UBAP2: variants seen among roughly 807,000 people sequenced by gnomAD.
The protein encoded by UBAP2 is ubiquitin associated protein 2.
Under a neutral mutation model 139.6 loss-of-function variants are expected in UBAP2, and 75 were observed. The observed-to-expected ratio is 0.54, with a 90% CI of 0.45 to 0.65. The LOEUF (loss-of-function observed/expected upper bound fraction) is 0.65. UBAP2 is among the 30% of genes least tolerant of loss of function. UBAP2 has a pLI of 0.00. For synonymous variants in UBAP2, 526 were observed against 526.2 expected (o/e 1.00, Z 0.01); for missense variants, 1,368 against 1,369.6 (o/e 1.00, Z 0.02).
At chr9:34,013,516 C>A (rs771385180) in intron 2 of UBAP2, among the ~76,000 whole-genome samples, 5 of 151,940 alleles carry the variant, frequency 3.3e-5, no homozygotes, top group Non-Finnish European at 7.4e-5. Context: ...TCTCTTTCAT[C>A]ATGCAACCTG....
intron 1 of UBAP2, among the ~76,000 whole-genome samples, chr9:34,046,504 C>T (rs1827596678): frequency 2.0e-5 from 3 of 151,620 alleles, no homozygotes; most frequent in South Asian, 2.1e-4. Context: ...ATTAGCCGGG[C>T]GTGGTGGTGG....
chr9:33,974,930 TA>T (rs1300181464), intron 6 of UBAP2, among the ~76,000 whole-genome samples: 227 of 16,550 alleles, frequency 0.014, no homozygotes, highest in African/African-American at 0.047. Flanking sequence ...AGCGTGAGAC[TA>T]AAAAAAAAGG....
At chr9:33,933,860 T>G (rs1824219511) in intron 17 of UBAP2, among the ~76,000 whole-genome samples, 1 of 152,150 alleles carries the variant, frequency 6.6e-6, no homozygotes, top group South Asian at 2.1e-4. Flanking sequence ...CAGCAAAGAA[T>G]AGGAAATGAC....
At chr9:34,040,749 G>A (rs1826997933) in intron 1 of UBAP2, among the ~76,000 whole-genome samples, 1 of 152,200 alleles carries the variant, frequency 6.6e-6, no homozygotes, top group Non-Finnish European at 1.5e-5. Context: ...CTTTGAGAAT[G>A]AATTCCCAAT....
chr9:34,012,528 C>CAAA (rs11399740), intron 2 of UBAP2, among the ~76,000 whole-genome samples: 11 of 144,226 alleles, frequency 7.6e-5, no homozygotes, highest in Admixed American at 1.4e-4. Context: ...AAAACTGTCT[C>CAAA]AAAAAAAAAA....
intron 22 of UBAP2, among the ~76,000 whole-genome samples, chr9:33,926,206 A>G (rs930712243): frequency 1.3e-5 from 2 of 152,206 alleles, no homozygotes; most frequent in African/African-American, 4.8e-5. Flanking sequence ...ATCTCAGACC[A>G]AAGACACTAT....
chr9:33,969,053 T>C (rs1307840385), intron 8 of UBAP2, among the ~76,000 whole-genome samples: 1 of 152,190 alleles, frequency 6.6e-6, no homozygotes, highest in Non-Finnish European at 1.5e-5. Context: ...ATATTCTATA[T>C]TTTGCTTATA....
intron 8 of UBAP2, among the ~76,000 whole-genome samples, chr9:33,964,267 C>A (rs1439569587): frequency 6.6e-6 from 1 of 152,158 alleles, no homozygotes; most frequent in African/African-American, 2.4e-5. Context: ...CAATACCATT[C>A]TGTGAGGCCT....
At chr9:33,947,084 T>C (rs1825707527) in intron 13 of UBAP2, among the ~76,000 whole-genome samples, 2 of 152,186 alleles carry the variant, frequency 1.3e-5, no homozygotes, top group South Asian at 4.1e-4. Flanking sequence ...AATTTTGCTA[T>C]GTGCTATAGC....
At position 33,989,050 on chromosome 9, in the gene UBAP2, T is replaced by C. The variant is rs1016355679; in HGVS notation, c.365A>G (p.Lys122Arg). Residue 122 changes from lysine to arginine, a missense_variant, in exon 5 of 29, where the codon AAG becomes AGG. Physicochemically the swap from Lys to Arg is conservative, Grantham distance 26 (BLOSUM62 2). Transcript: ENST00000379238. ...ENSENKENRE[K>R]KSEKESSRGR... is the part of the protein sequence containing the mutation. ...ACGACTCGATTCTTTCTCGCTTTTC[T>C]TCTCTCTATTCTCTTTGTTTTCTGA... 6 of 1,614,000 alleles carry C rather than the reference T, an allele frequency of 3.7e-6. No homozygotes were observed. The highest frequency in any genetic ancestry group is 1.3e-5 in the African/African-American group (1 of 74,916).
intron 6 of UBAP2, among the ~76,000 whole-genome samples, chr9:33,975,154 G>A (rs898120193): frequency 2.1e-4 from 32 of 151,644 alleles, no homozygotes; most frequent in Admixed American, 1.6e-3. Flanking sequence ...GTTGGCGGCC[G>A]GGCGTGGTGG....
At chr9:34,018,729 G>A (rs1824623788) in intron 1 of UBAP2, among the ~76,000 whole-genome samples, 1 of 151,864 alleles carries the variant, frequency 6.6e-6, no homozygotes, top group African/African-American at 2.4e-5. Context: ...CAGGCGTAGT[G>A]GCGGGCGACT....
chr9:33,993,090 A>G (rs1009125376), intron 4 of UBAP2, among the ~76,000 whole-genome samples: 1 of 152,270 alleles, frequency 6.6e-6, no homozygotes, highest in African/African-American at 2.4e-5. Context: ...GATGAAACAA[A>G]AAGTTCAGTA....
intron 6 of UBAP2, among the ~76,000 whole-genome samples, chr9:33,982,852 T>TC (rs1305735689): frequency 6.6e-6 from 1 of 151,812 alleles, no homozygotes; most frequent in Non-Finnish European, 1.5e-5. Context: ...TCACTGGTTA[T>TC]CCCCTATAAT....
At chr9:34,024,390 T>C (rs1365332406) in intron 1 of UBAP2, among the ~76,000 whole-genome samples, 3 of 151,892 alleles carry the variant, frequency 2.0e-5, no homozygotes, top group African/African-American at 7.3e-5. Flanking sequence ...TAAAAATAAT[T>C]GTAAGGGCCT....
At chr9:33,971,239 C>T (rs1428921335) in intron 8 of UBAP2, among the ~76,000 whole-genome samples, 2 of 152,278 alleles carry the variant, frequency 1.3e-5, no homozygotes, top group Admixed American at 6.5e-5. Context: ...GCAGAGGCAA[C>T]GTTGCTACAA....
chr9:34,020,664 CT>C (rs11332455), intron 1 of UBAP2, among the ~76,000 whole-genome samples: 114,357 of 143,604 alleles, frequency 0.8, 45,410 homozygotes, highest in Middle Eastern at 0.86. Flanking sequence ...ACTCTGTTTC[CT>C]TTTTTTTTTT....
At chr9:33,977,570 A>T (rs1820258200) in intron 6 of UBAP2, among the ~76,000 whole-genome samples, 1 of 152,056 alleles carries the variant, frequency 6.6e-6, no homozygotes, top group Non-Finnish European at 1.5e-5. Context: ...GTTTCCAAAG[A>T]TTATCAAAGC....
At chr9:33,948,004 G>C (rs1349618272) in intron 13 of UBAP2, among the ~76,000 whole-genome samples, 2 of 127,686 alleles carry the variant, frequency 1.6e-5, no homozygotes, top group African/African-American at 5.8e-5. Context: ...AAAAAAAAAA[G>C]TCTTAAAATG....
Sources: allele counts gnomAD v4.1 joint callset (sites outside exome capture counted in the v4.1 genomes callset), GRCh38; gene constraint gnomAD v4.1.1; transcripts MANE v1.5; gene names NCBI Gene and HGNC (gene_info 2026-07-23, HGNC 2026-07-21).